Variants in COG7 observed in about 807,000 individuals in gnomAD.
COG7 encodes component of oligomeric golgi complex 7.
A neutral mutation model predicts 91.5 loss-of-function variants in COG7; 49 were observed. The ratio of observed to expected loss-of-function variants is 0.54; its 90% CI spans 0.43 to 0.68. COG7 has a LOEUF of 0.68. Ranked by LOEUF, COG7 falls within the 30% of genes least tolerant of loss-of-function variation. COG7 has a pLI of 0.00. For missense variants in COG7, 895 were observed against 961.3 expected (o/e 0.93, Z 0.91); for synonymous variants, 365 against 388.7 (o/e 0.94, Z 0.72).
chr16:23,441,089 G>A (rs938590661), intron 4 of COG7, among the ~76,000 whole-genome samples: 1 of 152,092 alleles, frequency 6.6e-6, no homozygotes, highest in East Asian at 1.9e-4. Flanking sequence ...TTTAAGGAAG[G>A]TGATTTTCTA....
chr16:23,419,131 C>T (rs113942805), intron 7 of COG7, among the ~76,000 whole-genome samples: 1 of 152,174 alleles, frequency 6.6e-6, no homozygotes, highest in African/African-American at 2.4e-5. Context: ...ATTGGCCGGG[C>T]GTGGTGGCTC....
intron 8 of COG7, 171 bp from the exon 9 acceptor site, chr16:23,417,292 C>T: frequency 1.4e-6 from 1 of 690,384 alleles, no homozygotes; most frequent in Non-Finnish European, 2.5e-6. Flanking sequence ...GGAGAACAGT[C>T]TAAGTCATCA....
At chr16:23,412,129 C>A (rs1963573347) in intron 10 of COG7, among the ~76,000 whole-genome samples, 1 of 152,164 alleles carries the variant, frequency 6.6e-6, no homozygotes, top group Admixed American at 6.5e-5. Context: ...GATCCACCTA[C>A]CTCGACCTCC....
intron 6 of COG7, among the ~76,000 whole-genome samples, chr16:23,426,083 G>T (rs1447801959): frequency 6.6e-6 from 1 of 152,140 alleles, no homozygotes; most frequent in Non-Finnish European, 1.5e-5. Flanking sequence ...GGGCATGGTG[G>T]TGCACGACTG....
intron 13 of COG7, among the ~76,000 whole-genome samples, chr16:23,402,799 C>T (rs1412694720): frequency 1.3e-5 from 2 of 152,214 alleles, no homozygotes; most frequent in African/African-American, 4.8e-5. Flanking sequence ...ACGATCATGT[C>T]GTTTAACTGA....
At chr16:23,434,269 TAGTGAAA>T (rs1963979524) in intron 5 of COG7, among the ~76,000 whole-genome samples, 2 of 152,006 alleles carry the variant, frequency 1.3e-5, no homozygotes, top group Admixed American at 1.3e-4. Context: ...CTGGGCAAAA[TAGTGAAA>T]CCCTATCTCT....
chr16:23,424,989 C>A, intron 6 of COG7, 42 bp from the exon 7 acceptor site: 1 of 1,531,266 alleles, frequency 6.5e-7, no homozygotes, highest in Non-Finnish European at 8.9e-7. Context: ...CACATGGAGC[C>A]AAATAGGAGC....
chr16:23,445,084 C>G lies in COG7; in HGVS notation c.399G>C (p.Thr133=), dbSNP rs544517337. Residue 133 remains threonine, a synonymous_variant, in exon 3 of 17, where the codon ACG becomes ACC. Coordinates refer to ENST00000307149, the MANE Select transcript of COG7 (RefSeq NM_153603.4). ...ESLQEADKWS[T]LSADIEETFK... is the part of the protein sequence containing the mutation. Reference sequence around the variant, plus strand: ...ATGTCTCCTCAATATCGGCGCTCAACGTGCTCCACTTATCTGCTTCCTGAA... The same window carrying G: ...ATGTCTCCTCAATATCGGCGCTCAAGGTGCTCCACTTATCTGCTTCCTGAA... 6.2e-7 allele frequency: 1 copy of G among 1,614,070 alleles called. No individual in the cohort carries two copies. The highest frequency in any genetic ancestry group is 1.1e-5 in the South Asian group (1 of 91,080).
chr16:23,391,904 T>G, intron 16 of COG7: 1 of 757,908 alleles, frequency 1.3e-6, no homozygotes, highest in Non-Finnish European at 1.7e-6. Context: ...ATGGCCTTGT[T>G]ATGGAACTGC....
chr16:23,452,683 A>T (rs758020306), intron 1 of COG7, 143 bp downstream of exon 1: 28 of 1,450,092 alleles, frequency 1.9e-5, no homozygotes, highest in Non-Finnish European at 2.5e-5. Flanking sequence ...TGACGTGATC[A>T]GGAGTTCGGG....
chr16:23,438,862 T>C (rs1475995743), intron 4 of COG7, among the ~76,000 whole-genome samples: 1 of 151,758 alleles, frequency 6.6e-6, no homozygotes, highest in Non-Finnish European at 1.5e-5. Flanking sequence ...AAATTAAACA[T>C]CAGATTACCA....
At chr16:23,431,300 T>C (rs1963930670) in intron 6 of COG7, among the ~76,000 whole-genome samples, 1 of 152,156 alleles carries the variant, frequency 6.6e-6, no homozygotes, top group African/African-American at 2.4e-5. Flanking sequence ...ACAGCCCAAC[T>C]ATTATGCTTC....
intron 13 of COG7, among the ~76,000 whole-genome samples, chr16:23,399,896 G>T (rs1454077618): frequency 3.9e-5 from 6 of 152,148 alleles, no homozygotes; most frequent in African/African-American, 1.4e-4. Context: ...GACTCAAAGG[G>T]TTAAAATAAA....
intron 16 of COG7, chr16:23,391,738 C>A (rs1417306018): frequency 6.2e-6 from 1 of 161,872 alleles, no homozygotes; most frequent in Non-Finnish European, 1.4e-5. Flanking sequence ...ACTGGGGAGA[C>A]TCCCTGCCAC....
intron 1 of COG7, chr16:23,446,535 T>G (rs1266554633): frequency 1.4e-5 from 2 of 143,956 alleles, no homozygotes; most frequent in Non-Finnish European, 2.9e-5. Context: ...CACTGCAACC[T>G]CTGCCTCCCA....
intron 10 of COG7, among the ~76,000 whole-genome samples, chr16:23,411,713 G>A (rs1221690559): frequency 6.6e-6 from 1 of 152,146 alleles, no homozygotes; most frequent in African/African-American, 2.4e-5. Flanking sequence ...GCCTTGGGTG[G>A]GTCTGGGTCT....
chr16:23,431,368 C>A (rs907532245), intron 6 of COG7, among the ~76,000 whole-genome samples: 3 of 152,190 alleles, frequency 2.0e-5, no homozygotes, highest in African/African-American at 4.8e-5. Flanking sequence ...AAACTCATGT[C>A]TCCCAAAATC....
chr16:23,405,769 G>A (rs998890991), intron 12 of COG7, among the ~76,000 whole-genome samples: 5 of 151,688 alleles, frequency 3.3e-5, no homozygotes, highest in Admixed American at 1.3e-4. Context: ...CACCCACCTC[G>A]GCCTCCCAAA....
intron 13 of COG7, among the ~76,000 whole-genome samples, chr16:23,399,322 C>G (rs1292157009): frequency 6.6e-6 from 1 of 151,788 alleles, no homozygotes; most frequent in Non-Finnish European, 1.5e-5. Context: ...TTCTTGCCTG[C>G]GAATGCTCTT....
Sources: allele counts gnomAD v4.1 joint callset (sites outside exome capture counted in the v4.1 genomes callset), GRCh38; gene constraint gnomAD v4.1.1; transcripts MANE v1.5; gene names NCBI Gene and HGNC (gene_info 2026-07-23, HGNC 2026-07-21).